SLC10A7: variants seen among roughly 807,000 people sequenced by gnomAD.
The protein encoded by SLC10A7 is solute carrier family 10 member 7, also known as sodium/bile acid cotransporter 7.
Under a neutral mutation model 43.2 loss-of-function variants are expected in SLC10A7, and 29 were observed. The observed-to-expected ratio is 0.67, with a 90% CI of 0.50 to 0.92. The LOEUF is 0.92. Among genes scored for constraint, SLC10A7 ranks in the 40% least tolerant of loss-of-function variants. SLC10A7 has a pLI of 0.00. For missense variants in SLC10A7, 295 were observed against 403.2 expected (o/e 0.73, Z 2.30); for synonymous variants, 152 against 144.8 (o/e 1.05, Z -0.35).
At chr4:146,365,728 A>G (rs1368199936) in intron 5 of SLC10A7, among the ~76,000 whole-genome samples, 1 of 152,216 alleles carries the variant, frequency 6.6e-6, no homozygotes, top group Non-Finnish European at 1.5e-5. Flanking sequence ...GTACTCAAAT[A>G]CTGGAGACAA....
chr4:146,333,215 G>C (rs1232816463), intron 5 of SLC10A7, among the ~76,000 whole-genome samples: 2 of 151,868 alleles, frequency 1.3e-5, no homozygotes, highest in African/African-American at 4.8e-5. Flanking sequence ...AAAATTAAGG[G>C]TCTTCTACAC....
intron 10 of SLC10A7, among the ~76,000 whole-genome samples, chr4:146,278,633 C>A (rs1258522405): frequency 6.6e-6 from 1 of 152,090 alleles, no homozygotes; most frequent in Non-Finnish European, 1.5e-5. Context: ...TATAACTATT[C>A]CTTTCAAGAA....
chr4:146,403,207 C>G (rs1739341646), intron 5 of SLC10A7, among the ~76,000 whole-genome samples: 1 of 152,084 alleles, frequency 6.6e-6, no homozygotes, highest in African/African-American at 2.4e-5. Context: ...CTGCTTGGGA[C>G]CTGCAAAATT....
intron 6 of SLC10A7, among the ~76,000 whole-genome samples, chr4:146,322,140 A>G (rs1732754837): frequency 6.6e-6 from 1 of 152,178 alleles, no homozygotes; most frequent in African/African-American, 2.4e-5. Context: ...GAAAGCTTGT[A>G]ATAAAGTGAT....
At chr4:146,494,611 G>A (rs761549764) in intron 4 of SLC10A7, among the ~76,000 whole-genome samples, 1 of 152,154 alleles carries the variant, frequency 6.6e-6, no homozygotes, top group Non-Finnish European at 1.5e-5. Flanking sequence ...CAGGAGAGAT[G>A]AGTGTCAGGG....
At chr4:146,375,308 C>T (rs1737110336) in intron 5 of SLC10A7, among the ~76,000 whole-genome samples, 1 of 152,136 alleles carries the variant, frequency 6.6e-6, no homozygotes, top group African/African-American at 2.4e-5. Context: ...TTAGGAAAAA[C>T]ATTCTAATCT....
chr4:146,429,213 TAGAC>T (rs1729593747), intron 5 of SLC10A7, among the ~76,000 whole-genome samples: 1 of 152,122 alleles, frequency 6.6e-6, no homozygotes, highest in South Asian at 2.1e-4. Context: ...AAAAATTTGG[TAGAC>T]AGATGACCAA....
intron 7 of SLC10A7, among the ~76,000 whole-genome samples, chr4:146,300,518 T>G (rs2111226417): frequency 6.6e-6 from 1 of 152,278 alleles, no homozygotes; most frequent in East Asian, 1.9e-4. Context: ...TGGCACTGCC[T>G]GCCCTGGGCA....
chr4:146,478,024 T>C (rs1734173262), intron 4 of SLC10A7: 1 of 152,156 alleles, frequency 6.6e-6, no homozygotes, highest in Admixed American at 6.6e-5. Flanking sequence ...AGAAAACATA[T>C]CAAAACAGAA....
chr4:146,503,835 GC>G lies in SLC10A7; in HGVS notation c.396+13del. ...CATGCACTTATGTTTAAATAAGGTA[GC>G]CCCATGACTCACCTCATTTCCACCA... On this transcript the variant is annotated intron_variant, in intron 4 of 11. Coordinates refer to ENST00000335472, the MANE Select transcript of SLC10A7 (RefSeq NM_001029998.6). The G allele has an allele frequency of 6.2e-7, 1 of 1,610,490 alleles. No individual in the cohort carries two copies. Among genetic ancestry groups the G allele is most frequent in the African/African-American group, 1.3e-5 (1 of 74,942 alleles).
At chr4:146,312,163 C>T (rs929191941) in intron 6 of SLC10A7, among the ~76,000 whole-genome samples, 1 of 152,034 alleles carries the variant, frequency 6.6e-6, no homozygotes, top group South Asian at 2.1e-4. Context: ...TATGCACAGT[C>T]TTTTTCCCTC....
At chr4:146,473,705 T>C (rs1230030973) in intron 4 of SLC10A7, among the ~76,000 whole-genome samples, 1 of 152,080 alleles carries the variant, frequency 6.6e-6, no homozygotes, top group Non-Finnish European at 1.5e-5. Flanking sequence ...TTTCTACTAA[T>C]CAAGTATTTT....
At chr4:146,283,738 T>C (rs1418667564) in intron 9 of SLC10A7, among the ~76,000 whole-genome samples, 1 of 149,422 alleles carries the variant, frequency 6.7e-6, no homozygotes, top group East Asian at 2.2e-4. Flanking sequence ...CAAATTATCA[T>C]TTTTTGAGCA....
rs1445015274 is a variant in SLC10A7 at position 146,327,750 on chromosome 4, C to T, written c.436-1754G>A. Among the ~76,000 whole-genome samples, 12 of 152,344 alleles carry T rather than the reference C, an allele frequency of 7.9e-5. No homozygotes were observed. The East Asian group carries it at 1.9e-3, about 24-fold the overall frequency. On this transcript the variant is annotated intron_variant, in intron 5 of 11. Transcript: ENST00000335472. ...AGAATGATATAACTGCTGCGACCGGCGCTGCCACAACTACCTGTGCGCATT... is the reference window on the plus strand; with the variant it reads ...AGAATGATATAACTGCTGCGACCGGTGCTGCCACAACTACCTGTGCGCATT...
intron 4 of SLC10A7, among the ~76,000 whole-genome samples, chr4:146,472,082 T>A (rs1367113927): frequency 1.3e-5 from 2 of 152,158 alleles, no homozygotes; most frequent in Non-Finnish European, 2.9e-5. Flanking sequence ...TCCTTCAGCA[T>A]CTTAAAAATA....
chr4:146,471,172 C>T (rs761276010), intron 4 of SLC10A7, among the ~76,000 whole-genome samples: 10 of 152,124 alleles, frequency 6.6e-5, no homozygotes, highest in Non-Finnish European at 1.0e-4. Context: ...ATCCAAAATG[C>T]ACCAGTGAGC....
intron 6 of SLC10A7, among the ~76,000 whole-genome samples, chr4:146,312,732 T>C (rs1231566253): frequency 6.6e-6 from 1 of 152,184 alleles, no homozygotes; most frequent in Non-Finnish European, 1.5e-5. Context: ...AGTTCATCCA[T>C]GTTATACGCT....
chr4:146,325,924 T>G, intron 6 of SLC10A7, 37 bp downstream of exon 6: 1 of 1,583,322 alleles, frequency 6.3e-7, no homozygotes, highest in South Asian at 1.1e-5. Context: ...AGATAGCTTT[T>G]AATAAAATAT....
At chr4:146,343,951 A>C (rs1397764530) in intron 5 of SLC10A7, among the ~76,000 whole-genome samples, 3 of 152,054 alleles carry the variant, frequency 2.0e-5, no homozygotes. Flanking sequence ...TCAGAGAAGC[A>C]AAACTCATTT....
Sources: allele counts gnomAD v4.1 joint callset (sites outside exome capture counted in the v4.1 genomes callset), GRCh38; gene constraint gnomAD v4.1.1; transcripts MANE v1.5; gene names NCBI Gene and HGNC (gene_info 2026-07-23, HGNC 2026-07-21).